Variants in NTMT1 observed in about 807,000 individuals in gnomAD.
NTMT1 encodes the protein N-terminal RCC1 methyltransferase.
Under a neutral mutation model 17.5 loss-of-function variants are expected in NTMT1, and 8 were observed. The ratio of observed to expected loss-of-function variants is 0.46; its 90% confidence interval spans 0.27 to 0.82. The LOEUF (loss-of-function observed/expected upper bound fraction) is 0.82. NTMT1 is among the 40% of genes least tolerant of loss of function. NTMT1 has a pLI of 0.15. For synonymous variants in NTMT1, 128 were observed against 126.8 expected, an observed-to-expected ratio of 1.01 and a Z score of -0.06; for missense variants, 221 against 303.5, an observed-to-expected ratio of 0.73 and a Z score of 2.02.
chr9:129,625,423 C>T (rs1272316483), upstream of NTMT1, among the ~76,000 whole-genome samples: 2 of 152,076 alleles, frequency 1.3e-5, no homozygotes, highest in African/African-American at 4.8e-5. Flanking sequence ...TACTCAAAGC[C>T]CGCACAACAC....
intron 1 of NTMT1, among the ~76,000 whole-genome samples, chr9:129,628,192 C>T (rs546188294): frequency 1.9e-4 from 29 of 152,348 alleles, no homozygotes; most frequent in African/African-American, 5.8e-4. Context: ...GCTGACTGAC[C>T]TTGCTGTTCC....
intron 1 of NTMT1, chr9:129,615,513 G>A (rs759914443): frequency 1.1e-5 from 18 of 1,608,086 alleles, no homozygotes; most frequent in Admixed American, 8.4e-5. Context: ...GTAGCGGAGC[G>A]TTGTGTCCTG....
chr9:129,617,800 C>G (rs1329603928), intron 1 of NTMT1, among the ~76,000 whole-genome samples: 5 of 152,216 alleles, frequency 3.3e-5, no homozygotes, highest in Non-Finnish European at 2.9e-5. Flanking sequence ...CCTCCCACCT[C>G]AGCCTCCCGA....
chr9:129,615,488 G>T, intron 1 of NTMT1: 1 of 1,592,752 alleles, frequency 6.3e-7, no homozygotes. Context: ...GCTTACCTGA[G>T]CGTCTGCGCT....
At chr9:129,623,822 T>TC (rs1830813135), upstream of NTMT1, among the ~76,000 whole-genome samples, 2 of 86,836 alleles carry the variant, frequency 2.3e-5, no homozygotes, top group African/African-American at 8.9e-5. Context: ...TTTTTTCTTT[T>TC]CTTTTCTTTT....
In NTMT1 at chr9:129,620,485, C is replaced by T. The variant is rs1194074438; in HGVS notation, c.-55+11307C>T. 1.4e-6 allele frequency: 2 copies of T among 1,391,852 alleles called. No homozygotes were observed. The highest frequency in any genetic ancestry group is 1.6e-5 in the South Asian group (1 of 64,358). The allele number at this position is 1,391,852 out of a possible 1,614,324, so 86.2% of individuals were successfully genotyped here. On this transcript the variant is annotated intron_variant, in intron 1 of 3. Coordinates refer to the NTMT1 transcript ENST00000372486. The surrounding 1 kb of genome is among the most constrained non-coding windows in gnomAD (Gnocchi z 5.8). ...CGGGCGGGGTCAGCTTGGGCAGCCG[C>T]GGGTCGCTGCTGCGTCGGAAGTCTC...
chr9:129,610,300 G>GCCCCC (rs578072587), intron 1 of NTMT1, among the ~76,000 whole-genome samples: 2 of 120,602 alleles, frequency 1.7e-5, no homozygotes, highest in Admixed American at 8.0e-5. Flanking sequence ...TGCAGGCCCC[G>GCCCCC]CCCCCCCCCC....
chr9:129,632,535 T>C, intron 1 of NTMT1, 115 bp from the exon 2 acceptor site: 1 of 715,782 alleles, frequency 1.4e-6, no homozygotes, highest in Non-Finnish European at 2.3e-6. Context: ...TGGACTTCTC[T>C]CTGCACTCAG....
At position 129,635,836 on chromosome 9, in the gene NTMT1, C is replaced by T. The variant is rs1215337773; in HGVS notation, c.*372C>T. The T allele has an allele frequency of 4.4e-6, 1 of 229,830 alleles. No homozygotes were observed. Among genetic ancestry groups the T allele is most frequent in the Admixed American group, 5.3e-5 (1 of 18,844 alleles). The allele number at this position is 229,830 out of a possible 1,614,324, so 14.2% of individuals were successfully genotyped here. The stretch of plus-strand genomic sequence containing the variant: ...CCTGGCTGCCTGAAGAGGAAGGAAA[C>T]CACCCCCAACTTGGTTGCTGGGGAC... On this transcript the variant is annotated 3_prime_UTR_variant, in exon 4 of 4. Transcript: ENST00000372483.
intron 1 of NTMT1, chr9:129,619,429 A>G: frequency 1.1e-6 from 1 of 909,376 alleles, no homozygotes; most frequent in South Asian, 1.6e-5. Flanking sequence ...AGGTGGATAA[A>G]TGAATACATT....
intron 1 of NTMT1, among the ~76,000 whole-genome samples, chr9:129,631,484 A>T (rs1248292250): frequency 6.6e-6 from 1 of 152,174 alleles, no homozygotes; most frequent in Non-Finnish European, 1.5e-5. Context: ...GCCAGGACCC[A>T]GCTGAGGCTT....
rs1240594553 is a variant in NTMT1, at chr9:129,633,181, T to A, written c.162+316T>A. 2.0e-5 allele frequency: 9 copies of A among 440,264 alleles called. No homozygotes were observed. The Admixed American group carries it at 3.6e-4, about 18-fold the overall frequency. 27.3% of individuals were successfully genotyped at this position (440,264 alleles called of 1,614,324 possible). Reference sequence around the variant, plus strand: ...TGCTCTCCTGCCATGTCCACGGGTGTTTGGACTGAGGGTGTTGGCTATTCT... The same window carrying A: ...TGCTCTCCTGCCATGTCCACGGGTGATTGGACTGAGGGTGTTGGCTATTCT... On this transcript the variant is annotated intron_variant, in intron 2 of 3. Transcript: ENST00000372483.
rs1830166312 is a variant in NTMT1 at position 129,613,080 on chromosome 9, G to C, written c.-55+3902G>C. 1.9e-6 allele frequency: 3 copies of C among 1,613,036 alleles called. No individual in the cohort carries two copies. Among genetic ancestry groups the C allele is most frequent in the Non-Finnish European group, 2.5e-6 (3 of 1,179,934 alleles). On this transcript the variant is annotated intron_variant, in intron 1 of 3. Coordinates refer to the NTMT1 transcript ENST00000372486. The surrounding 1 kb of genome is among the most constrained non-coding windows in gnomAD (Gnocchi z 6.2). ...GCCAGCAGGGGCTCACCAGCTTCTA[G>C]GTCCAGGAGCAAGACCATTTGCCCA...
rs1238146035 is a variant in NTMT1 at position 129,634,059 on chromosome 9, C to A, written c.168C>A (p.Gly56=). The A allele has an allele frequency of 6.2e-7, 1 of 1,613,478 alleles. No homozygotes were observed. Among genetic ancestry groups the A allele is most frequent in the Admixed American group, 1.7e-5 (1 of 59,958 alleles). The part of the protein sequence containing the change: ...RKFLQRFLRE[G]PNKTGTSCAL... Reference sequence around the variant, plus strand: ...TATATGCCTCTGCTTTTCAGGAAGGCCCGAACAAGACAGGAACGTCCTGTG... The same window carrying A: ...TATATGCCTCTGCTTTTCAGGAAGGACCGAACAAGACAGGAACGTCCTGTG... The change falls in exon 3 of 4, where the codon GGC becomes GGA. Residue 56 remains glycine, a synonymous_variant. Coordinates refer to ENST00000372483, the MANE Select transcript of NTMT1 (RefSeq NM_014064.4).
Position 129,613,342 on chromosome 9 carries a change from C to G in NTMT1, c.-55+4164C>G, listed in dbSNP as rs555626272. The G allele has an allele frequency of 3.8e-6, 6 of 1,568,236 alleles. No individual in the cohort carries two copies. The East Asian group carries it at 1.1e-4, about 29-fold the overall frequency. Reference sequence around the variant, plus strand: ...GGCCCTTGAGGACCCACACTGGCAACCCGCCTGCTGCTGGGTGGGGAGGTC... The same window carrying G: ...GGCCCTTGAGGACCCACACTGGCAAGCCGCCTGCTGCTGGGTGGGGAGGTC... On this transcript the variant is annotated intron_variant, in intron 1 of 3. Coordinates refer to the NTMT1 transcript ENST00000372486. This position sits in a 1 kb window ranked among gnomAD's most constrained non-coding sequence, Gnocchi z 6.2.
chr9:129,630,685 C>T (rs987899978), intron 1 of NTMT1, among the ~76,000 whole-genome samples: 3 of 152,214 alleles, frequency 2.0e-5, no homozygotes. Flanking sequence ...CGGTCTTGGA[C>T]CTACGATTTG....
chr9:129,609,951 T>TG (rs1391796030), intron 1 of NTMT1, among the ~76,000 whole-genome samples: 1 of 149,360 alleles, frequency 6.7e-6, no homozygotes, highest in Non-Finnish European at 1.5e-5. Context: ...GTGGTGTGTG[T>TG]GTCTGAAGGG....
At position 129,620,734 on chromosome 9, in the gene NTMT1, C is replaced by G. The variant is rs1588126360; in HGVS notation, c.-55+11556C>G. ...CGGCCCGGCGGACAGCGAGTGGCTT[C>G]AGGCGAGAGCTCCCAGAGCCTCTGT... On this transcript the variant is annotated intron_variant, in intron 1 of 3. Coordinates refer to the NTMT1 transcript ENST00000372486. This position sits in a 1 kb window ranked among gnomAD's most constrained non-coding sequence, Gnocchi z 5.8. The G allele has an allele frequency of 1.2e-5, 7 of 569,924 alleles. No individual in the cohort carries two copies. Among genetic ancestry groups the G allele is most frequent in the Non-Finnish European group, 1.8e-5 (7 of 384,142 alleles). The allele number at this position is 569,924 out of a possible 1,614,324, so 35.3% of individuals were successfully genotyped here. A position where few individuals can be genotyped will look rare whatever the true frequency, so the allele number is the denominator to read the frequency against.
chr9:129,635,581 G>A lies in NTMT1; in HGVS notation c.*117G>A, dbSNP rs1831505286. The A allele has an allele frequency of 1.6e-6, 2 of 1,228,086 alleles. No individual in the cohort carries two copies. The highest frequency in any genetic ancestry group is 2.2e-5 in the Admixed American group (1 of 45,732). The allele number at this position is 1,228,086 out of a possible 1,614,324, so 76.1% of individuals were successfully genotyped here. On this transcript the variant is annotated 3_prime_UTR_variant, in exon 4 of 4. Coordinates refer to ENST00000372483, the MANE Select transcript of NTMT1 (RefSeq NM_014064.4). ...GAGTGTCGAGGCACCACTAAATATA[G>A]CTGTCTGCCGTCCACTCATTATGCG... is the stretch of plus-strand genomic sequence containing the variant.
Sources: allele counts gnomAD v4.1 joint callset (sites outside exome capture counted in the v4.1 genomes callset), GRCh38; gene constraint gnomAD v4.1.1; non-coding constraint Gnocchi (gnomAD v3.1); transcripts MANE v1.5; gene names NCBI Gene and HGNC (gene_info 2026-07-23, HGNC 2026-07-21).